Variants in LHCGR observed in about 807,000 individuals in gnomAD.
LHCGR encodes the protein lutropin-choriogonadotropic hormone receptor.
A neutral mutation model predicts 60.7 loss-of-function variants in LHCGR; 55 were observed. The observed-to-expected ratio is 0.91, with a 90% confidence interval of 0.73 to 1.13. LHCGR has a LOEUF of 1.13. Among genes scored for constraint, LHCGR ranks in the 50% most tolerant of loss-of-function variants. The pLI is 0.00. For synonymous variants in LHCGR, 337 were observed against 316.5 expected (o/e 1.06, Z -0.69); for missense variants, 862 against 836.0 (o/e 1.03, Z -0.38).
chr2:48,725,137 C>T (rs944012652), intron 4 of LHCGR, among the ~76,000 whole-genome samples: 7 of 152,094 alleles, frequency 4.6e-5, no homozygotes, highest in African/African-American at 1.7e-4. Flanking sequence ...ATTTCTAATG[C>T]TAACTGACAG....
chr2:48,697,317 A>G (rs1409159789), intron 9 of LHCGR, among the ~76,000 whole-genome samples: 1 of 152,224 alleles, frequency 6.6e-6, no homozygotes, highest in East Asian at 1.9e-4. Flanking sequence ...ACTCTTGTTC[A>G]GTGCTCCCAG....
intron 10 of LHCGR, among the ~76,000 whole-genome samples, chr2:48,692,672 A>C (rs999680613): frequency 6.6e-6 from 1 of 152,174 alleles, no homozygotes; most frequent in African/African-American, 2.4e-5. Context: ...GAAAGGAGAA[A>C]AGATGGGAAT....
At chr2:48,714,928 C>G (rs1288472341) in intron 6 of LHCGR, among the ~76,000 whole-genome samples, 1 of 152,134 alleles carries the variant, frequency 6.6e-6, no homozygotes, top group Non-Finnish European at 1.5e-5. Flanking sequence ...TGTCTAAAGC[C>G]TACAACTGGC....
intron 8 of LHCGR, 78 bp downstream of exon 8, chr2:48,708,870 G>A (rs985746085): frequency 1.9e-6 from 2 of 1,076,946 alleles, no homozygotes; most frequent in African/African-American, 3.1e-5. Flanking sequence ...TCAGCTTGGG[G>A]ATGATGTGGA....
At chr2:48,741,370 A>G (rs1187649672) in intron 1 of LHCGR, among the ~76,000 whole-genome samples, 1 of 152,146 alleles carries the variant, frequency 6.6e-6, no homozygotes, top group Admixed American at 6.5e-5. Flanking sequence ...GAGAAGAGCA[A>G]CTCCAAGACA....
chr2:48,724,932 G>A (rs1044722786), intron 4 of LHCGR, among the ~76,000 whole-genome samples: 1 of 152,046 alleles, frequency 6.6e-6, no homozygotes, highest in Non-Finnish European at 1.5e-5. Context: ...GATGGGAGGT[G>A]GGCTTTACAT....
At chr2:48,732,537 A>C (rs929236603) in intron 1 of LHCGR, among the ~76,000 whole-genome samples, 1 of 152,188 alleles carries the variant, frequency 6.6e-6, no homozygotes, top group African/African-American at 2.4e-5. Flanking sequence ...AATTTCTCTT[A>C]CATAGCAGAA....
At chr2:48,754,930 T>C (rs1488912948) in intron 1 of LHCGR, among the ~76,000 whole-genome samples, 1 of 151,420 alleles carries the variant, frequency 6.6e-6, no homozygotes, top group Non-Finnish European at 1.5e-5. Context: ...ACAGGGCCTT[T>C]GGTCCATTAG....
At chr2:48,692,741 C>T (rs912384904) in intron 10 of LHCGR, among the ~76,000 whole-genome samples, 1 of 152,116 alleles carries the variant, frequency 6.6e-6, no homozygotes, top group Non-Finnish European at 1.5e-5. Context: ...GGGGAGAATA[C>T]GTAAGCCTTA....
intron 1 of LHCGR, among the ~76,000 whole-genome samples, chr2:48,742,533 G>A (rs2103692436): frequency 6.6e-6 from 1 of 151,986 alleles, no homozygotes; most frequent in Admixed American, 6.6e-5. Context: ...TCAGGATTAA[G>A]AATCTCACTC....
chr2:48,700,770 G>A (rs1667368332), intron 8 of LHCGR, among the ~76,000 whole-genome samples: 1 of 152,216 alleles, frequency 6.6e-6, no homozygotes, highest in Non-Finnish European at 1.5e-5. Context: ...GAAGTTGAGA[G>A]CAGAGAAAGC....
chr2:48,701,302 A>G (rs1667397696), intron 8 of LHCGR, among the ~76,000 whole-genome samples: 1 of 152,100 alleles, frequency 6.6e-6, no homozygotes, highest in South Asian at 2.1e-4. Context: ...CATTAAAAAA[A>G]GACAAAGTCT....
chr2:48,716,191 C>G (rs546444177), intron 6 of LHCGR, among the ~76,000 whole-genome samples: 36 of 152,152 alleles, frequency 2.4e-4, no homozygotes, highest in Non-Finnish European at 4.6e-4. Flanking sequence ...TTCCAGCAAC[C>G]CTGCAAAGAG....
chr2:48,746,911 T>C (rs1336437464), intron 1 of LHCGR, among the ~76,000 whole-genome samples: 13 of 152,192 alleles, frequency 8.5e-5, no homozygotes, highest in Admixed American at 8.5e-4. Flanking sequence ...TTGAAAATAT[T>C]TTTCAGAAGC....
intron 8 of LHCGR, among the ~76,000 whole-genome samples, chr2:48,699,321 A>C (rs1326088300): frequency 6.6e-6 from 1 of 151,236 alleles, no homozygotes. Flanking sequence ...GTTAAGTATA[A>C]CTCCTTGCAC....
intron 6 of LHCGR, among the ~76,000 whole-genome samples, chr2:48,715,067 T>C (rs1291466997): frequency 6.6e-6 from 1 of 152,174 alleles, no homozygotes; most frequent in Non-Finnish European, 1.5e-5. Flanking sequence ...TTGTATTTCG[T>C]GTCGTGTTCT....
chr2:48,737,420 T>C (rs1051716182), intron 1 of LHCGR, among the ~76,000 whole-genome samples: 1 of 152,234 alleles, frequency 6.6e-6, no homozygotes, highest in African/African-American at 2.4e-5. Context: ...GAATTTGGTG[T>C]TTTTGTATTT....
chr2:48,747,979 G>A (rs936697104), intron 1 of LHCGR, among the ~76,000 whole-genome samples: 5 of 152,112 alleles, frequency 3.3e-5, no homozygotes, highest in African/African-American at 1.2e-4. Context: ...CCAGAACTGA[G>A]CTTAGGGGAT....
chr2:48,719,862 G>A (rs1260984248), intron 6 of LHCGR, among the ~76,000 whole-genome samples: 3 of 152,174 alleles, frequency 2.0e-5, no homozygotes, highest in African/African-American at 4.8e-5. Flanking sequence ...CTTTATAGCT[G>A]AGAAAATAAG....
Sources: gnomAD v4.1 joint callset for allele counts (sites outside exome capture counted in the v4.1 genomes callset) on GRCh38, gnomAD v4.1.1 for gene constraint, MANE v1.5 for transcripts, NCBI Gene and HGNC (gene_info 2026-07-23, HGNC 2026-07-21) for gene names.